The following CDH20 variants were observed in gnomAD, a reference collection of about 807,000 sequenced individuals.
The protein encoded by CDH20 is cadherin-20.
A neutral mutation model predicts 74.2 loss-of-function variants in CDH20; 29 were observed. The ratio of observed to expected loss-of-function variants is 0.39; its 90% confidence interval spans 0.29 to 0.53. The LOEUF is 0.53. Among genes scored for constraint, CDH20 ranks in the 20% least tolerant of loss-of-function variants. The pLI is 0.69. For synonymous variants in CDH20, 469 were observed against 405.4 expected, an observed-to-expected ratio of 1.16 and a Z score of -1.88; for missense variants, 988 against 1,048.3, an observed-to-expected ratio of 0.94 and a Z score of 0.79.
chr18:61,513,708 C>T (rs549875138), intron 6 of CDH20, among the ~76,000 whole-genome samples: 1 of 152,150 alleles, frequency 6.6e-6, no homozygotes, highest in South Asian at 2.1e-4. Context: ...GTGACCAAAC[C>T]TCTCAGCATT....
chr18:61,476,874 T>C (rs1027021552), intron 1 of CDH20, among the ~76,000 whole-genome samples: 2 of 152,196 alleles, frequency 1.3e-5, no homozygotes, highest in African/African-American at 4.8e-5. Context: ...TTTGTTAACA[T>C]AGAACTTCCC....
intron 6 of CDH20, among the ~76,000 whole-genome samples, chr18:61,515,211 T>A (rs1431534445): frequency 6.6e-6 from 1 of 152,128 alleles, no homozygotes; most frequent in Non-Finnish European, 1.5e-5. Context: ...GGTGCGCCAT[T>A]TTTTAAGCCC....
At chr18:61,381,357 T>C (rs1801572559) in intron 1 of CDH20, among the ~76,000 whole-genome samples, 1 of 152,222 alleles carries the variant, frequency 6.6e-6, no homozygotes, top group African/African-American at 2.4e-5. Context: ...ACTGAAAGAA[T>C]CATTTGGGCA....
At chr18:61,362,918 C>A (rs1022689054) in intron 1 of CDH20, among the ~76,000 whole-genome samples, 1 of 152,142 alleles carries the variant, frequency 6.6e-6, no homozygotes, top group South Asian at 2.1e-4. Flanking sequence ...TGATGAAATG[C>A]ATTAGGAGCA....
chr18:61,372,868 C>T (rs1247867856), intron 1 of CDH20, among the ~76,000 whole-genome samples: 5 of 152,034 alleles, frequency 3.3e-5, no homozygotes, highest in African/African-American at 1.2e-4. Flanking sequence ...CTAAAACTTC[C>T]CCCAGTATAT....
At chr18:61,333,872 A>C (rs1568098155) in intron 1 of CDH20, 45 bp downstream of exon 1, 1 of 151,698 alleles carries the variant, frequency 6.6e-6, no homozygotes, top group East Asian at 2.0e-4. Context: ...GGGGCTTGGG[A>C]CTCCGGGCGC....
At chr18:61,339,840 A>C (rs1487754903) in intron 1 of CDH20, among the ~76,000 whole-genome samples, 1 of 151,880 alleles carries the variant, frequency 6.6e-6, no homozygotes, top group African/African-American at 2.4e-5. Flanking sequence ...GGTGCCCGCC[A>C]CCATGCCCAG....
In CDH20 at chr18:61,503,024, A is replaced by G. The variant is rs776452712; in HGVS notation, c.733A>G (p.Lys245Glu). Residue 245 changes from lysine (K) to glutamate (E), a missense_variant, in exon 5 of 12, where the codon AAG becomes GAG. Transcript: ENST00000262717. ...ATACTACGAAGTGATTATCCAAGCC[A>G]AGGACATGGGAGGGCAGCTTGGAGG... ...KEYYEVIIQA[K>E]DMGGQLGGLA... The G allele has an allele frequency of 1.9e-6, 3 of 1,613,786 alleles. No homozygotes were observed. Among genetic ancestry groups the G allele is most frequent in the Non-Finnish European group, 2.5e-6 (3 of 1,179,778 alleles).
At chr18:61,392,246 C>T (rs184256029) in intron 1 of CDH20, among the ~76,000 whole-genome samples, 3 of 149,086 alleles carry the variant, frequency 2.0e-5, no homozygotes, top group Non-Finnish European at 3.0e-5. Context: ...CTTGCTCACA[C>T]TCTACCTCCC....
chr18:61,345,435 G>A (rs1162703947), intron 1 of CDH20, among the ~76,000 whole-genome samples: 1 of 152,142 alleles, frequency 6.6e-6, no homozygotes, highest in East Asian at 1.9e-4. Flanking sequence ...TCAGTGACCA[G>A]GGTCATCTGC....
intron 1 of CDH20, among the ~76,000 whole-genome samples, chr18:61,484,145 G>A (rs1910679537): frequency 6.6e-6 from 1 of 152,298 alleles, no homozygotes; most frequent in South Asian, 2.1e-4. Flanking sequence ...AAGAATGTTA[G>A]CCACATAATT....
At chr18:61,530,876 C>T (rs1365455082) in intron 7 of CDH20, among the ~76,000 whole-genome samples, 2 of 152,244 alleles carry the variant, frequency 1.3e-5, no homozygotes, top group East Asian at 3.9e-4. Context: ...CTCCAAATTG[C>T]TCCCAAATTC....
intron 1 of CDH20, among the ~76,000 whole-genome samples, chr18:61,374,833 T>C (rs1263732874): frequency 6.6e-6 from 1 of 152,096 alleles, no homozygotes; most frequent in Non-Finnish European, 1.5e-5. Context: ...TAAAGGGTGT[T>C]TCTTTCCTGG....
At chr18:61,423,433 C>A (rs891803451) in intron 1 of CDH20, among the ~76,000 whole-genome samples, 12 of 152,178 alleles carry the variant, frequency 7.9e-5, no homozygotes, top group African/African-American at 2.7e-4. Flanking sequence ...ATAGTACAAT[C>A]CCATTCACTT....
intron 6 of CDH20, among the ~76,000 whole-genome samples, chr18:61,526,789 T>A (rs1912430256): frequency 6.6e-6 from 1 of 152,210 alleles, no homozygotes; most frequent in Admixed American, 6.5e-5. Context: ...AAAATTAAAG[T>A]CCTTGTGGAA....
chr18:61,335,500 T>G (rs1360989723), intron 1 of CDH20, among the ~76,000 whole-genome samples: 1 of 152,060 alleles, frequency 6.6e-6, no homozygotes, highest in Non-Finnish European at 1.5e-5. Context: ...AAGAGACAAA[T>G]GAAGAGCAGG....
At chr18:61,549,589 G>A (rs1261464457) in intron 10 of CDH20, among the ~76,000 whole-genome samples, 2 of 152,208 alleles carry the variant, frequency 1.3e-5, no homozygotes, top group African/African-American at 2.4e-5. Context: ...CAGCACTGGG[G>A]CCTTGGCAAG....
chr18:61,371,066 A>T (rs1418161238), intron 1 of CDH20, among the ~76,000 whole-genome samples: 1 of 152,100 alleles, frequency 6.6e-6, no homozygotes, highest in Non-Finnish European at 1.5e-5. Context: ...CTCAGATCAG[A>T]GCTTCTGGAT....
intron 9 of CDH20, among the ~76,000 whole-genome samples, chr18:61,542,236 G>A (rs543237418): frequency 6.6e-6 from 1 of 152,300 alleles, no homozygotes; most frequent in South Asian, 2.1e-4. Context: ...GGTAATCCTG[G>A]AGTGTGAGCA....
Sources: gnomAD v4.1 joint callset for allele counts (sites outside exome capture counted in the v4.1 genomes callset) on GRCh38, gnomAD v4.1.1 for gene constraint, MANE v1.5 for transcripts, NCBI Gene and HGNC (gene_info 2026-07-23, HGNC 2026-07-21) for gene names.